The following ANKHD1 variants were observed in gnomAD, a reference collection of about 807,000 sequenced individuals.
ANKHD1 encodes the protein ankyrin repeat and KH domain-containing protein 1.
In ANKHD1, 31 loss-of-function variants were observed where a neutral mutation model predicts 230.5. The ratio of observed to expected loss-of-function variants is 0.13; its 90% CI spans 0.10 to 0.18. The LOEUF is 0.18. ANKHD1 is among the 10% of genes least tolerant of loss of function. ANKHD1 has a pLI of 1.00. For missense variants in ANKHD1, 2,256 were observed against 3,071.3 expected (o/e 0.73, Z 6.27); for synonymous variants, 1,074 against 1,117.6 (o/e 0.96, Z 0.78).
chr5:140,425,282 A>T (rs190578529), intron 1 of ANKHD1, among the ~76,000 whole-genome samples: 48 of 152,326 alleles, frequency 3.2e-4, no homozygotes, highest in African/African-American at 9.9e-4. Context: ...TTTTATTAAG[A>T]CAGGGTCTTA....
rs574065994 is a variant in ANKHD1, at chr5:140,450,826, G to A, written c.1242+1521G>A. Among the ~76,000 whole-genome samples, 70 of 151,778 alleles carry A rather than the reference G, an allele frequency of 4.6e-4. 1 individual carries two copies. The highest frequency in any genetic ancestry group is 6.8e-3 in the Middle Eastern group (2 of 294). On this transcript the variant is annotated intron_variant, in intron 7 of 33. Coordinates refer to ENST00000360839, the MANE Select transcript of ANKHD1 (RefSeq NM_017747.3). ...GGAATTCCCCTCTTAATATATGTAT[G>A]CAAGATATGTTAGCAGAATCTATCA... is the stretch of plus-strand genomic sequence containing the variant.
At chr5:140,439,969 CAA>C (rs1338716152) in intron 3 of ANKHD1, 148 bp from the exon 4 acceptor site, 9 of 1,025,918 alleles carry the variant, frequency 8.8e-6, no homozygotes, top group Middle Eastern at 3.5e-4. Flanking sequence ...AAGTTGCAGA[CAA>C]AATGCTCAGC....
chr5:140,513,527 G>T, intron 24 of ANKHD1, 48 bp downstream of exon 24: 3 of 1,581,040 alleles, frequency 1.9e-6, no homozygotes, highest in Non-Finnish European at 1.7e-6. Flanking sequence ...TGAGGGTGGG[G>T]GCCGGGCACG....
At position 140,402,158 on chromosome 5, in the gene ANKHD1, G is replaced by T; in HGVS notation, c.191G>T (p.Ser64Ile). The change falls in exon 1 of 34, where the codon AGC (serine) becomes ATC (isoleucine). Residue 64 changes from serine to isoleucine, a missense_variant. Transcript: ENST00000360839. ...GTCGGCAGCAGCGGCGGCGGCGGCA[G>T]CGGCAGCGGTACGGGCGGAGGGGAC... ...SGVGSSGGGG[S>I]GSGTGGGDAA... 1.3e-6 allele frequency: 2 copies of T among 1,531,070 alleles called. No individual in the cohort carries two copies. Among genetic ancestry groups the T allele is most frequent in the East Asian group, 2.5e-5 (1 of 40,452 alleles). 94.8% of individuals were successfully genotyped at this position (1,531,070 alleles called of 1,614,324 possible).
rs569937331 is a variant in ANKHD1 at position 140,516,458 on chromosome 5, T to A, written c.4317+2979T>A. On this transcript the variant is annotated intron_variant, in intron 24 of 33. Transcript: ENST00000360839. ...AATACAGAGAACGCCACAAAGATACTCCTCGAGAAGAGCGACTCCAAGACA... is the reference window on the plus strand; with the variant it reads ...AATACAGAGAACGCCACAAAGATACACCTCGAGAAGAGCGACTCCAAGACA... Among the ~76,000 whole-genome samples the A allele has an allele frequency of 3.9e-5, 6 of 152,026 alleles. No homozygotes were observed. In the East Asian group the frequency reaches 1.2e-3, roughly 29 times the overall value.
rs773298197 is a variant in ANKHD1 at position 140,529,475 on chromosome 5, G to A, written c.6529G>A (p.Val2177Met). 1 of 1,614,244 alleles carries A rather than the reference G, an allele frequency of 6.2e-7. No individual in the cohort carries two copies. Among genetic ancestry groups the A allele is most frequent in the African/African-American group, 1.3e-5 (1 of 75,058 alleles). The change falls in exon 29 of 34, where the codon GTG (valine) becomes ATG (methionine). Residue 2177 changes from valine (V) to methionine (M), a missense_variant. This residue lies in a region of ANKHD1 where 778 missense variants were observed against 966.5 expected (regional missense o/e 0.80). Coordinates refer to ENST00000360839, the MANE Select transcript of ANKHD1 (RefSeq NM_017747.3). ...ACCACCTCAAGGCCCACCAGCTGCA[G>A]TGCAGCTTTCTTCAGCTGTGAACAT... is the stretch of plus-strand genomic sequence containing the variant. ...LTPPQGPPAA[V>M]QLSSAVNIMN... is the part of the protein sequence containing the mutation.
At chr5:140,520,994 A>C (rs1385416913) in intron 24 of ANKHD1, among the ~76,000 whole-genome samples, 2 of 152,072 alleles carry the variant, frequency 1.3e-5, no homozygotes, top group African/African-American at 4.8e-5. Flanking sequence ...AATTAAAACA[A>C]ACAAACTAAA....
At chr5:140,535,247 TTTTA>T in intron 29 of ANKHD1, 111 bp from the exon 30 acceptor site, 2 of 1,448,616 alleles carry the variant, frequency 1.4e-6, no homozygotes, top group African/African-American at 1.4e-5. Flanking sequence ...ACATGCTATC[TTTTA>T]TTTATTTGTT....
Position 140,485,403 on chromosome 5 carries a change from C to CACACACACACACACAG in ANKHD1, c.1998+170_1999-170insGACACACACACACACA, listed in dbSNP as rs1475423309. ...GAGACCCCATCTCTATTAAAACACA[C>CACACACACACACACAG]ACACACACACACACACACACACACG... is the stretch of plus-strand genomic sequence containing the variant. On this transcript the variant is annotated intron_variant, in intron 12 of 33. Coordinates refer to ENST00000360839, the MANE Select transcript of ANKHD1 (RefSeq NM_017747.3). The surrounding 1 kb of genome is among the most constrained non-coding windows in gnomAD (Gnocchi z 4.8). 6.8e-6 allele frequency among the ~76,000 whole-genome samples: 1 copy of CACACACACACACACAG among 146,162 alleles called. No individual in the cohort carries two copies. The highest frequency in any genetic ancestry group is 2.5e-5 in the African/African-American group (1 of 40,778).
chr5:140,483,452 C>CTTTTT (rs369245406), intron 11 of ANKHD1, among the ~76,000 whole-genome samples: 9 of 110,594 alleles, frequency 8.1e-5, no homozygotes, highest in African/African-American at 1.7e-4. Flanking sequence ...AAGATTTTAT[C>CTTTTT]TTTTTTTTTT....
chr5:140,449,434 T>G, intron 7 of ANKHD1, 129 bp downstream of exon 7: 1 of 1,029,200 alleles, frequency 9.7e-7, no homozygotes, highest in Non-Finnish European at 1.4e-6. Context: ...AGAGGCCAAG[T>G]CGGGCGGATC....
rs1317904577 is a variant in ANKHD1, at chr5:140,436,295, A to G, written c.460+38A>G. 9 of 1,471,952 alleles carry G rather than the reference A, an allele frequency of 6.1e-6. No individual in the cohort carries two copies. In the Admixed American group the frequency reaches 7.4e-5, roughly 12 times the overall value. 91.2% of individuals were successfully genotyped at this position (1,471,952 alleles called of 1,614,324 possible). A position where few individuals can be genotyped will look rare whatever the true frequency, so the allele number is the denominator to read the frequency against. On this transcript the variant is annotated intron_variant, in intron 2 of 33. Transcript: ENST00000360839. ...TTGTTTTATCTTTTTCATATCTTTAAAAGTCTAGATCTCTTTACAGTTACA... is the reference window on the plus strand; with the variant it reads ...TTGTTTTATCTTTTTCATATCTTTAGAAGTCTAGATCTCTTTACAGTTACA...
chr5:140,499,014 TAAAC>T (rs1039351089), intron 15 of ANKHD1, among the ~76,000 whole-genome samples: 10 of 152,080 alleles, frequency 6.6e-5, no homozygotes, highest in Non-Finnish European at 1.5e-4. Flanking sequence ...TTTATTAATA[TAAAC>T]AAAATTTAAT....
At chr5:140,480,899 A>G (rs1435779931) in intron 10 of ANKHD1, among the ~76,000 whole-genome samples, 1 of 152,114 alleles carries the variant, frequency 6.6e-6, no homozygotes, top group South Asian at 2.1e-4. Flanking sequence ...TTAGTTAAAT[A>G]TAATACTTAC....
At chr5:140,439,656 T>C (rs1244024412) in intron 3 of ANKHD1, among the ~76,000 whole-genome samples, 2 of 151,660 alleles carry the variant, frequency 1.3e-5, no homozygotes, top group Non-Finnish European at 2.9e-5. Context: ...GGCAACAGAG[T>C]GAGACTCTGT....
chr5:140,411,438 T>C (rs569235717), intron 1 of ANKHD1, among the ~76,000 whole-genome samples: 3 of 152,160 alleles, frequency 2.0e-5, no homozygotes, highest in Non-Finnish European at 4.4e-5. Flanking sequence ...ATTAGTTGCT[T>C]ATAAATGCCT....
chr5:140,416,422 C>T (rs942594820), intron 1 of ANKHD1, among the ~76,000 whole-genome samples: 7 of 152,046 alleles, frequency 4.6e-5, no homozygotes, highest in African/African-American at 1.7e-4. Flanking sequence ...TTGTGGATAT[C>T]CAGTTTTTTA....
chr5:140,483,705 G>A (rs1321248771), intron 11 of ANKHD1, among the ~76,000 whole-genome samples: 3 of 152,012 alleles, frequency 2.0e-5, no homozygotes, highest in South Asian at 2.1e-4. Context: ...TGATCTGCCC[G>A]CCTCGGCCTC....
rs1244743359 is a variant in ANKHD1 at position 140,485,325 on chromosome 5, G to A, written c.1998+77G>A. ...TGATCCCAGCACTTTAGAAAGCTGA[G>A]GCGGGTGGATCACTTGAGCCCAGGA... is the stretch of plus-strand genomic sequence containing the variant. On this transcript the variant is annotated intron_variant, in intron 12 of 33. Coordinates refer to ENST00000360839, the MANE Select transcript of ANKHD1 (RefSeq NM_017747.3). The surrounding 1 kb of genome is among the most constrained non-coding windows in gnomAD (Gnocchi z 4.8). The A allele has an allele frequency of 1.1e-5, 16 of 1,510,456 alleles. No homozygotes were observed. The highest frequency in any genetic ancestry group is 1.4e-5 in the Non-Finnish European group (16 of 1,125,932). The allele number at this position is 1,510,456 out of a possible 1,614,324, so 93.6% of individuals were successfully genotyped here. A position where few individuals can be genotyped will look rare whatever the true frequency, so the allele number is the denominator to read the frequency against.
Sources: allele counts gnomAD v4.1 joint callset (sites outside exome capture counted in the v4.1 genomes callset), GRCh38; gene constraint gnomAD v4.1.1; regional missense constraint gnomAD v4.1.1; non-coding constraint Gnocchi (gnomAD v3.1); transcripts MANE v1.5; gene names NCBI Gene and HGNC (gene_info 2026-07-23, HGNC 2026-07-21).